The following MGAT4C variants were observed in gnomAD, a reference collection of about 807,000 sequenced individuals.
The protein encoded by MGAT4C is MGAT4 family member C, also known as alpha-1,3-mannosyl-glycoprotein 4-beta-N-acetylglucosaminyltransferase C.
In MGAT4C, 19 loss-of-function variants were observed where a neutral mutation model predicts 40.1. The ratio of observed to expected loss-of-function variants is 0.47; its 90% CI spans 0.33 to 0.70. MGAT4C has a LOEUF of 0.70. MGAT4C is among the 30% of genes least tolerant of loss of function. The pLI is 0.02. For missense variants in MGAT4C, 491 were observed against 563.2 expected, an observed-to-expected ratio of 0.87 and a Z score of 1.30; for synonymous variants, 181 against 187.1, an observed-to-expected ratio of 0.97 and a Z score of 0.27.
At chr12:86,055,586 A>G (rs1893306058) in intron 1 of MGAT4C, among the ~76,000 whole-genome samples, 1 of 152,070 alleles carries the variant, frequency 6.6e-6, no homozygotes, top group Non-Finnish European at 1.5e-5. Context: ...CTGATCTTTA[A>G]TTGATTTGTC....
At chr12:86,632,961 G>A (rs1339102369) in intron 2 of MGAT4C, among the ~76,000 whole-genome samples, 3 of 151,786 alleles carry the variant, frequency 2.0e-5, no homozygotes, top group African/African-American at 7.3e-5. Flanking sequence ...AATGTCAAAG[G>A]TACAATATTT....
chr12:86,163,200 TCCC>T (rs869304016), intron 1 of MGAT4C, among the ~76,000 whole-genome samples: 4 of 151,508 alleles, frequency 2.6e-5, no homozygotes, highest in African/African-American at 9.7e-5. Context: ...GAAATCATCC[TCCC>T]CCCCTTTTTT....
At chr12:86,302,500 C>T (rs1442552264) in intron 4 of MGAT4C, among the ~76,000 whole-genome samples, 5 of 150,538 alleles carry the variant, frequency 3.3e-5, no homozygotes, top group South Asian at 4.2e-4. Flanking sequence ...GCAATGTGGG[C>T]GCACTGCAAC....
intron 4 of MGAT4C, among the ~76,000 whole-genome samples, chr12:86,282,917 C>T (rs1375406323): frequency 6.6e-6 from 1 of 152,074 alleles, no homozygotes; most frequent in Non-Finnish European, 1.5e-5. Flanking sequence ...ATATTATACC[C>T]AGTGTGTCTT....
intron 1 of MGAT4C, among the ~76,000 whole-genome samples, chr12:86,812,044 T>C (rs4447237): frequency 6.6e-6 from 1 of 152,026 alleles, no homozygotes; most frequent in South Asian, 2.1e-4. Flanking sequence ...TTTTTTAAAA[T>C]ATTTTATATT....
intron 4 of MGAT4C, among the ~76,000 whole-genome samples, chr12:86,332,861 T>G (rs574164349): frequency 6.8e-6 from 1 of 147,656 alleles, no homozygotes; most frequent in Non-Finnish European, 1.5e-5. Flanking sequence ...TTGATTAACA[T>G]TTTTTTTGTT....
intron 2 of MGAT4C, among the ~76,000 whole-genome samples, chr12:86,453,661 C>T (rs1957463018): frequency 1.3e-5 from 2 of 152,040 alleles, no homozygotes; most frequent in African/African-American, 2.4e-5. Context: ...TCATGTTTGC[C>T]TCTTGTTGAC....
chr12:86,241,210 G>A (rs995667966), intron 1 of MGAT4C, among the ~76,000 whole-genome samples: 1 of 151,980 alleles, frequency 6.6e-6, no homozygotes, highest in Non-Finnish European at 1.5e-5. Context: ...GATTATTTTT[G>A]TTCTTCCTTG....
At chr12:86,146,523 G>T (rs540614796) in intron 1 of MGAT4C, among the ~76,000 whole-genome samples, 2 of 151,874 alleles carry the variant, frequency 1.3e-5, no homozygotes, top group African/African-American at 4.8e-5. Flanking sequence ...TTATCTACTG[G>T]TTTCTTTTCC....
chr12:86,397,801 A>C (rs1334350225), intron 3 of MGAT4C, among the ~76,000 whole-genome samples: 1 of 152,122 alleles, frequency 6.6e-6, no homozygotes, highest in Non-Finnish European at 1.5e-5. Context: ...TCTCCACAAG[A>C]AAAATTTAAA....
At chr12:86,459,975 T>C (rs999955369) in intron 2 of MGAT4C, among the ~76,000 whole-genome samples, 1 of 152,072 alleles carries the variant, frequency 6.6e-6, no homozygotes, top group African/African-American at 2.4e-5. Context: ...ATTTCTTATA[T>C]TTTATAGTAT....
chr12:86,672,429 A>G (rs1964279850), intron 2 of MGAT4C, among the ~76,000 whole-genome samples: 1 of 152,156 alleles, frequency 6.6e-6, no homozygotes, highest in African/African-American at 2.4e-5. Context: ...ATTGAAGATC[A>G]GAGCACAAAT....
chr12:86,610,291 T>C (rs1352353050), intron 2 of MGAT4C, among the ~76,000 whole-genome samples: 3 of 152,144 alleles, frequency 2.0e-5, no homozygotes, highest in Non-Finnish European at 4.4e-5. Context: ...TGCTGATAAA[T>C]TAACTACTAT....
At chr12:86,367,905 G>A (rs935263401) in intron 3 of MGAT4C, among the ~76,000 whole-genome samples, 1 of 152,188 alleles carries the variant, frequency 6.6e-6, no homozygotes, top group Non-Finnish European at 1.5e-5. Flanking sequence ...AACATGGCCA[G>A]AAGCGCCTCT....
chr12:86,809,975 A>G (rs941599549), intron 1 of MGAT4C, among the ~76,000 whole-genome samples: 1 of 152,042 alleles, frequency 6.6e-6, no homozygotes, highest in African/African-American at 2.4e-5. Context: ...CATCCGTACT[A>G]TATTGATTCC....
chr12:85,971,377 A>C lies in MGAT4C; in HGVS notation c.*7912T>G, dbSNP rs1883615561. ...ACAAATATTACAAAATATGTTGTTAACTTTTCAAAGATGATCGGTTTAGAT... is the reference window on the plus strand; with the variant it reads ...ACAAATATTACAAAATATGTTGTTACCTTTTCAAAGATGATCGGTTTAGAT... On this transcript the variant is annotated 3_prime_UTR_variant, in exon 5 of 5. Transcript: ENST00000611864. The C allele has an allele frequency of 1.3e-5, 2 of 151,172 alleles. No homozygotes were observed. The highest frequency in any genetic ancestry group is 3.0e-5 in the Non-Finnish European group (2 of 67,324). The allele number at this position is 151,172 out of a possible 1,614,324, so 9.4% of individuals were successfully genotyped here. A position where few individuals can be genotyped will look rare whatever the true frequency, so the allele number is the denominator to read the frequency against.
chr12:86,621,443 A>G (rs889617917), intron 2 of MGAT4C, among the ~76,000 whole-genome samples: 11 of 152,088 alleles, frequency 7.2e-5, no homozygotes, highest in African/African-American at 2.7e-4. Flanking sequence ...TGGTTCCTGA[A>G]TTATAATGTT....
intron 2 of MGAT4C, among the ~76,000 whole-genome samples, chr12:86,570,019 T>C (rs1484027249): frequency 6.6e-6 from 1 of 151,842 alleles, no homozygotes; most frequent in Non-Finnish European, 1.5e-5. Flanking sequence ...TAGCAGAGAG[T>C]ATGATGGTGA....
At chr12:86,155,056 T>A (rs839130) in intron 1 of MGAT4C, among the ~76,000 whole-genome samples, 1 of 152,054 alleles carries the variant, frequency 6.6e-6, no homozygotes. Flanking sequence ...CTATTAAGAG[T>A]TGATATTTAA....
Sources: gnomAD v4.1 joint callset for allele counts (sites outside exome capture counted in the v4.1 genomes callset) on GRCh38, gnomAD v4.1.1 for gene constraint, MANE v1.5 for transcripts, NCBI Gene and HGNC (gene_info 2026-07-23, HGNC 2026-07-21) for gene names.